The following NTRK3 variants were observed in gnomAD, a reference collection of about 807,000 sequenced individuals.
The protein encoded by NTRK3 is neurotrophic receptor tyrosine kinase 3.
In NTRK3, 24 loss-of-function variants were observed where a neutral mutation model predicts 91.7. The observed-to-expected ratio is 0.26, with a 90% CI of 0.19 to 0.37. The LOEUF (loss-of-function observed/expected upper bound fraction) is 0.37. Ranked by LOEUF, NTRK3 falls within the 10% of genes least tolerant of loss-of-function variation. The probability of loss-of-function intolerance (pLI) is 1.00; values close to 1 mark genes in which losing one functional copy is unlikely to be tolerated. For synonymous variants in NTRK3, 483 were observed against 404.0 expected (o/e 1.20, Z -2.34); for missense variants, 880 against 1,068.9 (o/e 0.82, Z 2.46).
chr15:87,901,389 C>T (rs555310948), intron 17 of NTRK3, among the ~76,000 whole-genome samples: 1 of 152,200 alleles, frequency 6.6e-6, no homozygotes, highest in Non-Finnish European at 1.5e-5. Context: ...GCTAACGAAA[C>T]TGGGATGAAG....
intron 3 of NTRK3, among the ~76,000 whole-genome samples, chr15:88,184,679 C>CT (rs1158458130): frequency 2.0e-5 from 3 of 152,132 alleles, no homozygotes; most frequent in East Asian, 3.9e-4. Flanking sequence ...AAGGACTGGC[C>CT]TTTTTTTTCC....
At chr15:88,000,613 GTAGT>G (rs980856117) in intron 14 of NTRK3, among the ~76,000 whole-genome samples, 1 of 152,170 alleles carries the variant, frequency 6.6e-6, no homozygotes, top group African/African-American at 2.4e-5. Flanking sequence ...CATTAAATAT[GTAGT>G]TACTTTGAAT....
intron 5 of NTRK3, among the ~76,000 whole-genome samples, chr15:88,173,366 A>T (rs2045704329): frequency 6.6e-6 from 1 of 152,184 alleles, no homozygotes. Context: ...CTACAGTCAT[A>T]ATCCTGCCCG....
At position 88,184,217 on chromosome 15, in the gene NTRK3, G is replaced by A. The variant is rs2046763300; in HGVS notation, c.323+8C>T. The stretch of plus-strand genomic sequence containing the variant: ...GGGAAAGGCCTCTCTGTGGCCGGGT[G>A]TACTCACAGCTTTTGAAGTCCGGTG... On this transcript the variant is annotated splice_region_variant and intron_variant, in intron 4 of 18. Transcript: ENST00000394480. 3.7e-6 allele frequency: 6 copies of A among 1,613,860 alleles called. No homozygotes were observed. In the South Asian group the frequency reaches 4.4e-5, roughly 12 times the overall value.
chr15:88,066,683 C>T (rs1201580236), intron 13 of NTRK3, among the ~76,000 whole-genome samples: 1 of 152,190 alleles, frequency 6.6e-6, no homozygotes, highest in Admixed American at 6.5e-5. Context: ...GCCCTGAGGA[C>T]CTGCAGGCAG....
At chr15:87,979,421 T>C in intron 14 of NTRK3, 5 of 1,613,622 alleles carry the variant, frequency 3.1e-6, no homozygotes, top group Non-Finnish European at 4.2e-6. Context: ...AGGCTTGGAA[T>C]GTCCGGGAAG....
intron 8 of NTRK3, 42 bp downstream of exon 8, chr15:88,136,425 A>C: frequency 6.2e-7 from 1 of 1,613,744 alleles, no homozygotes; most frequent in Non-Finnish European, 8.5e-7. Context: ...CAGTGTGATC[A>C]CTCCCTAGCC....
At chr15:88,029,299 G>A (rs1476973643) in intron 14 of NTRK3, among the ~76,000 whole-genome samples, 1 of 152,172 alleles carries the variant, frequency 6.6e-6, no homozygotes, top group Non-Finnish European at 1.5e-5. Flanking sequence ...ACATAGGTGT[G>A]GGGATGCAAG....
chr15:87,880,170 A>G (rs2065164068), intron 18 of NTRK3, 100 bp downstream of exon 19: 1 of 1,499,278 alleles, frequency 6.7e-7, no homozygotes, highest in African/African-American at 1.4e-5. Context: ...TGCTGGCTCT[A>G]AATCCCACCT....
At position 87,863,349 on chromosome 15, in the gene NTRK3, C is replaced by T. The variant is rs555098956; in HGVS notation, c.*13586G>A. On this transcript the variant is annotated 3_prime_UTR_variant, in exon 19 of 19. Coordinates refer to ENST00000394480, the Ensembl canonical transcript of NTRK3. ...CTGGGAGGTCAATCAGGATAGCGGGCCCCTTCAATTCAGGGGGTTGTTTGC... is the reference window on the plus strand; with the variant it reads ...CTGGGAGGTCAATCAGGATAGCGGGTCCCTTCAATTCAGGGGGTTGTTTGC... 178 of 226,608 alleles carry T rather than the reference C, an allele frequency of 7.9e-4. 1 individual carries two copies. Among genetic ancestry groups the T allele is most frequent in the African/African-American group, 3.8e-3 (171 of 45,070 alleles). The allele number at this position is 226,608 out of a possible 1,614,324, so 14.0% of individuals were successfully genotyped here. A position where few individuals can be genotyped will look rare whatever the true frequency, so the allele number is the denominator to read the frequency against.
At chr15:88,231,482 C>CACAA (rs1404014519) in intron 3 of NTRK3, among the ~76,000 whole-genome samples, 1 of 152,076 alleles carries the variant, frequency 6.6e-6, no homozygotes, top group Non-Finnish European at 1.5e-5. Context: ...CACACACACA[C>CACAA]ACACACACAA....
At chr15:88,207,952 A>C (rs902212394) in intron 3 of NTRK3, among the ~76,000 whole-genome samples, 5 of 152,190 alleles carry the variant, frequency 3.3e-5, no homozygotes, top group Admixed American at 2.0e-4. Context: ...GGATTCTGGG[A>C]GGCCAGCCTG....
intron 17 of NTRK3, among the ~76,000 whole-genome samples, chr15:87,891,644 G>C (rs998403715): frequency 6.6e-6 from 1 of 152,048 alleles, no homozygotes; most frequent in African/African-American, 2.4e-5. Flanking sequence ...TCTGTTCTTG[G>C]GTTTTTTCAC....
Position 88,149,606 on chromosome 15 carries a change from C to T in NTRK3, c.396-2203G>A, listed in dbSNP as rs536228929. Among the ~76,000 whole-genome samples the T allele has an allele frequency of 7.9e-5, 12 of 152,298 alleles. No homozygotes were observed. The South Asian group carries it at 2.3e-3, about 29-fold the overall frequency. On this transcript the variant is annotated intron_variant, in intron 5 of 18. Transcript: ENST00000394480. ...CTACAAACTTCCACTGTTCCCCCAC[C>T]GATCAGAAAGGTGTGATAAAAGAAG...
intron 17 of NTRK3, among the ~76,000 whole-genome samples, chr15:87,896,213 C>T (rs2066113662): frequency 6.6e-6 from 1 of 152,138 alleles, no homozygotes; most frequent in Non-Finnish European, 1.5e-5. Flanking sequence ...TGGCTCACGC[C>T]TGTAATCCCA....
intron 14 of NTRK3, among the ~76,000 whole-genome samples, chr15:88,006,452 G>T (rs1368580736): frequency 6.6e-6 from 1 of 152,192 alleles, no homozygotes; most frequent in Non-Finnish European, 1.5e-5. Context: ...AGGATTGATA[G>T]AGATCATCAT....
At chr15:87,870,692 C>G (rs985882865) in exon 19 of NTRK3, 37 of 220,632 alleles carry the variant, frequency 1.7e-4, no homozygotes, top group Middle Eastern at 1.4e-3. Context: ...AAAAAGATGT[C>G]TAAATTTATC....
intron 13 of NTRK3, among the ~76,000 whole-genome samples, chr15:88,095,467 G>A (rs757234018): frequency 6.6e-5 from 10 of 152,162 alleles, no homozygotes; most frequent in Non-Finnish European, 1.5e-4. Flanking sequence ...TGTTGTCAAT[G>A]GCATTTTTGG....
chr15:87,947,564 A>C (rs2070689525), intron 14 of NTRK3, among the ~76,000 whole-genome samples: 2 of 152,144 alleles, frequency 1.3e-5, no homozygotes, highest in South Asian at 4.1e-4. Flanking sequence ...AGAATGCAGA[A>C]ACCCAAGACC....
Sources: allele counts gnomAD v4.1 joint callset (sites outside exome capture counted in the v4.1 genomes callset), GRCh38; gene constraint gnomAD v4.1.1; transcripts MANE v1.5; gene names NCBI Gene and HGNC (gene_info 2026-07-23, HGNC 2026-07-21).